AP4B1: variants seen among roughly 807,000 people sequenced by gnomAD.
The protein encoded by AP4B1 is adaptor related protein complex 4 subunit beta 1.
AP4B1 carries 49 observed loss-of-function variants against 76.5 expected under a neutral mutation model. That is an observed-to-expected ratio of 0.64 (90% CI 0.51 to 0.81). The LOEUF is 0.81. Among genes scored for constraint, AP4B1 ranks in the 40% least tolerant of loss-of-function variants. The probability of loss-of-function intolerance (pLI) is 0.00; values close to 1 mark genes in which losing one functional copy is unlikely to be tolerated. For synonymous variants in AP4B1, 330 were observed against 333.3 expected (o/e 0.99, Z 0.11); for missense variants, 911 against 904.9 (o/e 1.01, Z -0.09).
chr1:113,897,339 C>T (rs1002330609), intron 7 of AP4B1: 1 of 183,594 alleles, frequency 5.4e-6, no homozygotes, highest in Non-Finnish European at 1.2e-5. Context: ...TGCCTGTAAT[C>T]CTAGCTCTCT....
At chr1:113,895,551 TTA>T (rs1380104087) in intron 9 of AP4B1, 59 bp from the exon 10 acceptor site, 3 of 1,601,880 alleles carry the variant, frequency 1.9e-6, no homozygotes, top group Non-Finnish European at 2.6e-6. Flanking sequence ...GCTAAGTTTT[TTA>T]TCCAAATTCC....
Position 113,897,921 on chromosome 1 carries a change from G to A in AP4B1, c.1221C>T (p.Asp407=), listed in dbSNP as rs773776585. The change falls in exon 7 of 10, where the codon GAC becomes GAT. Residue 407 remains aspartate (D), a synonymous_variant. Coordinates refer to ENST00000369569, the MANE Select transcript of AP4B1 (RefSeq NM_001253852.3). ...ITTVVVQTFR[D]LVWLCPQCTE... is the part of the protein sequence containing the mutation. Reference sequence around the variant, plus strand: ...TACACTGAGGACACAACCAAACCAGGTCTCGGAAAGTCTGCACCACCACTA... The same window carrying A: ...TACACTGAGGACACAACCAAACCAGATCTCGGAAAGTCTGCACCACCACTA... 1.2e-6 allele frequency: 2 copies of A among 1,614,068 alleles called. No homozygotes were observed. The highest frequency in any genetic ancestry group is 2.2e-5 in the South Asian group (2 of 91,072).
intron 1 of AP4B1, among the ~76,000 whole-genome samples, chr1:113,903,671 A>G (rs1157803236): frequency 2.6e-5 from 4 of 152,268 alleles, no homozygotes; most frequent in Non-Finnish European, 4.4e-5. Context: ...CAGATGTAAT[A>G]GCAAGGTAAA....
At position 113,896,408 on chromosome 1, in the gene AP4B1, G is replaced by GT; in HGVS notation, c.1359_1360insA (p.Pro454ThrfsTer9). On this transcript the variant is annotated frameshift_variant, in exon 8 of 10. Transcript: ENST00000369569. LOFTEE classifies it high-confidence loss of function. ...TCAACAAAGTCCTCTAACACATAAG[G>GT]AGCATTAGGAATTCTTTCCCCATGG... The GT allele has an allele frequency of 6.2e-7, 1 of 1,614,144 alleles. No individual in the cohort carries two copies. The highest frequency in any genetic ancestry group is 1.1e-5 in the South Asian group (1 of 91,076).
intron 1 of AP4B1, among the ~76,000 whole-genome samples, chr1:113,904,068 G>A (rs1463534164): frequency 2.0e-5 from 3 of 152,172 alleles, no homozygotes; most frequent in African/African-American, 4.8e-5. Context: ...ATTGATGAAG[G>A]CCTGGACCAG....
chr1:113,896,027 C>T lies in AP4B1; in HGVS notation c.1522G>A (p.Asp508Asn). The T allele has an allele frequency of 6.2e-7, 1 of 1,614,236 alleles. No individual in the cohort carries two copies. Among genetic ancestry groups the T allele is most frequent in the Middle Eastern group, 1.6e-4 (1 of 6,062 alleles). The change falls in exon 9 of 10, where the codon GAT (aspartate) becomes AAT (asparagine). Residue 508 changes from aspartate to asparagine, a missense_variant. Physicochemically the swap from Asp to Asn is conservative, Grantham distance 23 (BLOSUM62 1). Coordinates refer to ENST00000369569, the MANE Select transcript of AP4B1 (RefSeq NM_001253852.3). ...LLYYCIEEEK[D>N]MAVRDRGLFY... The stretch of plus-strand genomic sequence containing the variant: ...AGACCTCGGTCCCGTACAGCCATAT[C>T]TTTTTCTTCCTCTGAGGTAAGACAA...
In AP4B1 at chr1:113,902,756, T is replaced by G. The variant is rs369838147; in HGVS notation, c.220A>C (p.Thr74Pro). The change falls in exon 2 of 10, where the codon ACA becomes CCA. Residue 74 changes from threonine (T) to proline (P), a missense_variant. Thr to Pro is a conservative substitution (Grantham distance 38, BLOSUM62 -1). Coordinates refer to ENST00000369569, the MANE Select transcript of AP4B1 (RefSeq NM_001253852.3). ...AGATCTGGTTTCAGGGGAGCATATGTGCACATGTACAGATAAACCAACTTC... is the reference window on the plus strand; with the variant it reads ...AGATCTGGTTTCAGGGGAGCATATGGGCACATGTACAGATAAACCAACTTC... The part of the protein sequence containing the change: ...QKKLVYLYMC[T>P]YAPLKPDLAL... 4 of 1,614,090 alleles carry G rather than the reference T, an allele frequency of 2.5e-6. No homozygotes were observed. The highest frequency in any genetic ancestry group is 2.7e-5 in the African/African-American group (2 of 74,930).
At chr1:113,899,634 G>A (rs1006765985) in intron 5 of AP4B1, among the ~76,000 whole-genome samples, 13 of 151,940 alleles carry the variant, frequency 8.6e-5, no homozygotes, top group Non-Finnish European at 1.6e-4. Context: ...ATTTTGGATA[G>A]AAGACAACAA....
At chr1:113,896,059 G>T in intron 8 of AP4B1, 21 bp from the exon 9 acceptor site, 2 of 1,614,104 alleles carry the variant, frequency 1.2e-6, no homozygotes, top group South Asian at 2.2e-5. Flanking sequence ...ACAACAGATT[G>T]ACTTCATTAA....
chr1:113,903,213 G>A (rs554923912), intron 1 of AP4B1, among the ~76,000 whole-genome samples: 5 of 152,092 alleles, frequency 3.3e-5, no homozygotes, highest in Admixed American at 2.0e-4. Context: ...CTACAGGTGC[G>A]TGCCACCACG....
intron 7 of AP4B1, chr1:113,897,115 C>T (rs1405847049): frequency 1.6e-5 from 2 of 128,914 alleles, no homozygotes; most frequent in African/African-American, 6.7e-5. Flanking sequence ...TGCACTCCAG[C>T]CTGGGCAACA....
chr1:113,897,774 C>T, intron 7 of AP4B1, 66 bp downstream of exon 7: 1 of 1,538,508 alleles, frequency 6.5e-7, no homozygotes, highest in East Asian at 2.3e-5. Flanking sequence ...AATTAGATTC[C>T]ATTTCAAAGG....
intron 5 of AP4B1, chr1:113,899,247 C>T (rs1571555149): frequency 2.0e-6 from 2 of 1,018,874 alleles, no homozygotes; most frequent in Non-Finnish European, 2.3e-6. Flanking sequence ...ATGAGGGTTG[C>T]TCCTCCTCCT....
In AP4B1 at chr1:113,895,169, T is replaced by C. The variant is rs1402453627; in HGVS notation, c.2116A>G (p.Met706Val). The change falls in exon 10 of 10, where the codon ATG becomes GTG. Residue 706 changes from methionine to valine, a missense_variant. Transcript: ENST00000369569. ...ELLLEPGNSE[M>V]QISVKQNEAR... is the part of the protein sequence containing the mutation. ...TCATTTTGTTTCACAGAGATCTGCA[T>C]TTCTGAGTTTCCAGGCTCCAATAGC... is the stretch of plus-strand genomic sequence containing the variant. 1.9e-6 allele frequency: 3 copies of C among 1,614,088 alleles called. No homozygotes were observed. The Admixed American group carries it at 5.0e-5, about 27-fold the overall frequency.
chr1:113,901,522 C>CAA, intron 3 of AP4B1, 139 bp from the exon 4 acceptor site: 79 of 995,020 alleles, frequency 7.9e-5, no homozygotes, highest in South Asian at 1.0e-4. Context: ...AAGTGCAAGG[C>CAA]AAAAAAAAAA....
At position 113,895,829 on chromosome 1, in the gene AP4B1, T is replaced by C. The variant is rs911365743; in HGVS notation, c.1720A>G (p.Thr574Ala). Residue 574 changes from threonine (T) to alanine (A), a missense_variant, in exon 9 of 10, where the codon ACT (threonine) becomes GCT (alanine). Transcript: ENST00000369569. ...VPVYGKAHWATISKCQGAERC... is the reference protein window; with the variant it reads ...VPVYGKAHWAAISKCQGAERC... The stretch of plus-strand genomic sequence containing the variant: ...TCTGCCCCCTGGCATTTAGAGATAG[T>C]TGCCCAGTGGGCTTTGCCATACACT... 1.9e-6 allele frequency: 3 copies of C among 1,614,228 alleles called. No individual in the cohort carries two copies. The highest frequency in any genetic ancestry group is 3.3e-5 in the Admixed American group (2 of 60,032).
chr1:113,898,151 G>A (rs2101010728), intron 6 of AP4B1: 1 of 492,822 alleles, frequency 2.0e-6, no homozygotes, highest in East Asian at 1.5e-4. Context: ...TTGACATGAG[G>A]ATAAATGAAC....
intron 1 of AP4B1, among the ~76,000 whole-genome samples, 186 bp downstream of exon 1, chr1:113,904,419 C>T (rs111786426): frequency 2.3e-3 from 354 of 152,340 alleles, no homozygotes; most frequent in African/African-American, 8.0e-3. Context: ...GAGGAAACTA[C>T]CCAGCTGAGT....
intron 1 of AP4B1, 88 bp from the exon 2 acceptor site, chr1:113,902,950 C>T: frequency 8.4e-7 from 1 of 1,190,324 alleles, no homozygotes; most frequent in East Asian, 2.4e-5. Flanking sequence ...TCCTGATTAC[C>T]CAACTAGATT....
Sources: allele counts gnomAD v4.1 joint callset (sites outside exome capture counted in the v4.1 genomes callset), GRCh38; gene constraint gnomAD v4.1.1; transcripts MANE v1.5; gene names NCBI Gene and HGNC (gene_info 2026-07-23, HGNC 2026-07-21).